The following STK3 variants were observed in gnomAD, a reference collection of about 807,000 sequenced individuals.
The protein encoded by STK3 is serine/threonine-protein kinase 3.
STK3 carries 41 observed loss-of-function variants against 58.0 expected under a neutral mutation model. The ratio of observed to expected loss-of-function variants is 0.71; its 90% CI spans 0.55 to 0.92. STK3 has a LOEUF of 0.92. STK3 is among the 40% of genes least tolerant of loss of function. The pLI, the probability that STK3 is intolerant of heterozygous loss-of-function variation, is 0.00. For missense variants in STK3, 479 were observed against 602.7 expected, an observed-to-expected ratio of 0.79 and a Z score of 2.15; for synonymous variants, 170 against 191.0, an observed-to-expected ratio of 0.89 and a Z score of 0.91.
intron 4 of STK3, among the ~76,000 whole-genome samples, chr8:98,733,301 G>A (rs1018509983): frequency 1.1e-4 from 16 of 152,190 alleles, no homozygotes; most frequent in African/African-American, 3.6e-4. Flanking sequence ...CAACCCCTGG[G>A]TACTGGTCCA....
At chr8:98,631,133 C>T (rs1453432782) in intron 6 of STK3, among the ~76,000 whole-genome samples, 1 of 152,162 alleles carries the variant, frequency 6.6e-6, no homozygotes, top group African/African-American at 2.4e-5. Context: ...TTATCTCTTA[C>T]CTGGACTACT....
chr8:98,792,604 G>T (rs1832876492), intron 1 of STK3, among the ~76,000 whole-genome samples: 1 of 152,292 alleles, frequency 6.6e-6, no homozygotes, highest in African/African-American at 2.4e-5. Context: ...GAAGACTGAG[G>T]CAGGAGAAAT....
rs185340586 is a variant in STK3, at chr8:98,824,266, T to C, written c.26+1249A>G. Among the ~76,000 whole-genome samples the C allele has an allele frequency of 7.4e-3, 1,132 of 152,334 alleles. 9 individuals carry two copies. The highest frequency in any genetic ancestry group is 0.026 in the African/African-American group (1,066 of 41,564). ...AAAGTATAAATCACCACAGAATTGC[T>C]GCCTACACCTGCCCCTGACTCCTCC... On this transcript the variant is annotated intron_variant, in intron 1 of 10. Transcript: ENST00000419617.
chr8:98,420,877 T>G (rs1818166007), intron 3 of STK3, among the ~76,000 whole-genome samples: 1 of 152,256 alleles, frequency 6.6e-6, no homozygotes, highest in African/African-American at 2.4e-5. Flanking sequence ...TTAATGCATC[T>G]TTTAATTCTC....
rs564986134 is a variant in STK3 at position 98,886,619 on chromosome 8, C to T, written c.-78-2785G>A. On this transcript the variant is annotated intron_variant, in intron 1 of 1. Coordinates refer to the STK3 transcript ENST00000519420. ...ACTTTTTCTTTAGATATTTCAACAT[C>T]GTTATACTACTTTTATAATGTAAAA... 7.2e-5 allele frequency among the ~76,000 whole-genome samples: 11 copies of T among 152,216 alleles called. No homozygotes were observed. The East Asian group carries it at 7.7e-4, about 11-fold the overall frequency.
intron 10 of STK3, among the ~76,000 whole-genome samples, chr8:98,511,625 T>G (rs1290529592): frequency 6.6e-6 from 1 of 152,114 alleles, no homozygotes; most frequent in Non-Finnish European, 1.5e-5. Context: ...AAAATAATAG[T>G]TTCCTAAAAA....
chr8:98,872,888 ATATGTTTGCT>A (rs1837431230), intron 3 of STK3, among the ~76,000 whole-genome samples: 1 of 152,040 alleles, frequency 6.6e-6, no homozygotes, highest in South Asian at 2.1e-4. Context: ...TAGCTTTTGA[ATATGTTTGCT>A]CTTGCTTCTC....
chr8:98,754,040 C>T (rs1830139803), intron 3 of STK3, among the ~76,000 whole-genome samples: 1 of 152,198 alleles, frequency 6.6e-6, no homozygotes, highest in African/African-American at 2.4e-5. Context: ...TGCTTCATAT[C>T]GCATACAAGT....
rs556234261 is a variant in STK3 at position 98,626,215 on chromosome 8, A to G, written c.685-30046T>C. 7.1e-4 allele frequency among the ~76,000 whole-genome samples: 108 copies of G among 152,380 alleles called. 1 individual carries two copies. Among genetic ancestry groups the G allele is most frequent in the African/African-American group, 2.6e-3 (107 of 41,592 alleles). On this transcript the variant is annotated intron_variant, in intron 6 of 10. Transcript: ENST00000419617. The stretch of plus-strand genomic sequence containing the variant: ...ATAAAGCAAGAAAATAGCTGTAGAT[A>G]GAATCACATGAAAAAGTGACTATAC...
At chr8:98,871,083 C>T (rs192990603) in intron 3 of STK3, among the ~76,000 whole-genome samples, 147 of 152,280 alleles carry the variant, frequency 9.7e-4, no homozygotes, top group African/African-American at 3.5e-3. Flanking sequence ...TTTCCCAGCA[C>T]CATTTATTAA....
At chr8:98,523,558 A>G (rs573922775) in intron 10 of STK3, among the ~76,000 whole-genome samples, 72 of 152,082 alleles carry the variant, frequency 4.7e-4, no homozygotes, top group African/African-American at 1.7e-3. Context: ...TATTTTTAGT[A>G]CAGGTGGGGT....
At chr8:98,623,320 CACT>C (rs1818468904) in intron 6 of STK3, among the ~76,000 whole-genome samples, 1 of 152,202 alleles carries the variant, frequency 6.6e-6, no homozygotes, top group Admixed American at 6.5e-5. Context: ...CCACCACCAC[CACT>C]ACCAAATTTT....
chr8:98,593,015 C>T (rs1287575314), intron 7 of STK3, among the ~76,000 whole-genome samples: 3 of 152,066 alleles, frequency 2.0e-5, no homozygotes, highest in Non-Finnish European at 4.4e-5. Flanking sequence ...CCACCTGCCT[C>T]GGCCTCCCAA....
At chr8:98,776,755 A>AC (rs1831705691) in intron 1 of STK3, among the ~76,000 whole-genome samples, 1 of 151,496 alleles carries the variant, frequency 6.6e-6, no homozygotes, top group African/African-American at 2.4e-5. Context: ...GTCAAGATAA[A>AC]AAAAAAAAAA....
intron 1 of STK3, among the ~76,000 whole-genome samples, chr8:98,383,470 AC>A (rs1297516647): frequency 6.6e-6 from 1 of 152,248 alleles, no homozygotes; most frequent in Admixed American, 6.5e-5. Flanking sequence ...AGCTGCTCCA[AC>A]CTTCGAGCTG....
intron 1 of STK3, chr8:98,905,522 A>G: frequency 9.1e-7 from 1 of 1,095,986 alleles, no homozygotes; most frequent in East Asian, 2.4e-5. Flanking sequence ...TGTGTATGGT[A>G]TCCTCAGCCG....
chr8:98,567,614 T>C (rs1434792820), intron 8 of STK3, among the ~76,000 whole-genome samples: 8 of 152,306 alleles, frequency 5.3e-5, no homozygotes, highest in African/African-American at 1.7e-4. Context: ...CTTTGACAAC[T>C]TGTCTAAAAC....
Position 98,825,498 on chromosome 8 carries a change from G to T in STK3, c.26+17C>A. ...CGGCGCCGCTTCCCTCCTTCTTCCC[G>T]CTCCCCGATTCGTTACCTCTTAGGC... On this transcript the variant is annotated intron_variant, in intron 1 of 10. Transcript: ENST00000419617. 6.9e-7 allele frequency: 1 copy of T among 1,449,282 alleles called. No homozygotes were observed. The highest frequency in any genetic ancestry group is 1.3e-5 in the South Asian group (1 of 76,776). 89.8% of individuals were successfully genotyped at this position (1,449,282 alleles called of 1,614,324 possible).
At chr8:98,858,313 TATATATATATAGAGAGAG>T (rs1179260764) in intron 3 of STK3, among the ~76,000 whole-genome samples, 7 of 64,754 alleles carry the variant, frequency 1.1e-4, no homozygotes, top group Admixed American at 3.5e-4. Flanking sequence ...TATATATATA[TATATATATATAGAGAGAG>T]AGAGAGAGAG....
Sources: gnomAD v4.1 joint callset for allele counts (sites outside exome capture counted in the v4.1 genomes callset) on GRCh38, gnomAD v4.1.1 for gene constraint, MANE v1.5 for transcripts, NCBI Gene and HGNC (gene_info 2026-07-23, HGNC 2026-07-21) for gene names.